The following PHACTR1 variants were observed in gnomAD, a reference collection of about 807,000 sequenced individuals.
PHACTR1 encodes the protein RPEL repeat containing 1.
A neutral mutation model predicts 69.2 loss-of-function variants in PHACTR1; 16 were observed. The ratio of observed to expected loss-of-function variants is 0.23; its 90% confidence interval spans 0.16 to 0.35. The LOEUF (loss-of-function observed/expected upper bound fraction) is 0.35, where lower values mean the gene tolerates loss of function less well. Among genes scored for constraint, PHACTR1 ranks in the 10% least tolerant of loss-of-function variants. PHACTR1 has a pLI of 1.00. For synonymous variants in PHACTR1, 312 were observed against 284.5 expected (o/e 1.10, Z -0.97); for missense variants, 510 against 734.7 (o/e 0.69, Z 3.54).
chr6:13,077,908 C>A (rs1341569754), intron 5 of PHACTR1, among the ~76,000 whole-genome samples: 1 of 152,090 alleles, frequency 6.6e-6, no homozygotes, highest in African/African-American at 2.4e-5. Flanking sequence ...GAGGTTCTGA[C>A]CCTGGGTGAC....
chr6:13,049,337 A>G (rs1474414640), intron 4 of PHACTR1, among the ~76,000 whole-genome samples: 1 of 152,162 alleles, frequency 6.6e-6, no homozygotes, highest in Non-Finnish European at 1.5e-5. Context: ...TTACCCAGTT[A>G]TCTACTCAGT....
At chr6:12,980,141 C>G (rs1795337288) in intron 4 of PHACTR1, among the ~76,000 whole-genome samples, 1 of 152,192 alleles carries the variant, frequency 6.6e-6, no homozygotes, top group South Asian at 2.1e-4. Context: ...GGCATAAGTC[C>G]TCAAGATAAC....
intron 5 of PHACTR1, among the ~76,000 whole-genome samples, chr6:13,124,973 G>A (rs944608592): frequency 1.5e-4 from 23 of 152,294 alleles, no homozygotes; most frequent in African/African-American, 4.3e-4. Flanking sequence ...AACTAAAGAT[G>A]TCCTGGTAGG....
At chr6:13,049,718 T>C (rs1023415891) in intron 4 of PHACTR1, among the ~76,000 whole-genome samples, 1 of 152,226 alleles carries the variant, frequency 6.6e-6, no homozygotes, top group East Asian at 1.9e-4. Flanking sequence ...AGGTTGAGAG[T>C]AATAAGTCAG....
intron 7 of PHACTR1, among the ~76,000 whole-genome samples, chr6:13,188,335 A>G (rs1482390414): frequency 2.6e-5 from 4 of 152,176 alleles, no homozygotes; most frequent in African/African-American, 4.8e-5. Flanking sequence ...AGCTACATTA[A>G]CCCTGTTCTG....
At chr6:13,007,927 T>C (rs953929633) in intron 4 of PHACTR1, among the ~76,000 whole-genome samples, 17 of 152,158 alleles carry the variant, frequency 1.1e-4, no homozygotes, top group African/African-American at 3.9e-4. Flanking sequence ...AGCATAATTA[T>C]CACAAGCCTA....
chr6:12,961,461 A>G (rs1293508090), intron 4 of PHACTR1, among the ~76,000 whole-genome samples: 1 of 152,220 alleles, frequency 6.6e-6, no homozygotes, highest in African/African-American at 2.4e-5. Context: ...TTCTTCACTT[A>G]GAAAATAGTA....
intron 4 of PHACTR1, among the ~76,000 whole-genome samples, chr6:12,879,618 A>G (rs1181656966): frequency 1.3e-5 from 2 of 151,962 alleles, no homozygotes; most frequent in African/African-American, 2.4e-5. Flanking sequence ...GTCAACACTA[A>G]CTCGTAATGA....
chr6:13,059,488 ACAC>A (rs749374579), intron 5 of PHACTR1, among the ~76,000 whole-genome samples: 1 of 144,154 alleles, frequency 6.9e-6, no homozygotes, highest in East Asian at 2.0e-4. Context: ...ACACACACAC[ACAC>A]ACAAAACCCA....
At chr6:13,092,893 A>C (rs1485433406) in intron 5 of PHACTR1, among the ~76,000 whole-genome samples, 1 of 152,264 alleles carries the variant, frequency 6.6e-6, no homozygotes, top group Admixed American at 6.5e-5. Flanking sequence ...AGCCTGAGGG[A>C]TTCTGGCAGG....
chr6:12,989,954 T>C (rs1796627062), intron 4 of PHACTR1, among the ~76,000 whole-genome samples: 2 of 152,168 alleles, frequency 1.3e-5, no homozygotes, highest in Admixed American at 1.3e-4. Context: ...TAAAGGAGTG[T>C]CTTTCTCCTT....
At chr6:12,824,163 G>A (rs1359795451) in intron 4 of PHACTR1, among the ~76,000 whole-genome samples, 9 of 152,282 alleles carry the variant, frequency 5.9e-5, no homozygotes, top group Admixed American at 1.3e-4. Flanking sequence ...GAATCCTATC[G>A]TGGAAGGCAC....
chr6:13,065,270 A>G (rs556868664), intron 5 of PHACTR1, among the ~76,000 whole-genome samples: 1 of 152,276 alleles, frequency 6.6e-6, no homozygotes, highest in Admixed American at 6.5e-5. Flanking sequence ...AGTCGAGGGT[A>G]CAGTAACACC....
chr6:12,902,068 G>A (rs1311575733), intron 4 of PHACTR1, among the ~76,000 whole-genome samples: 1 of 152,050 alleles, frequency 6.6e-6, no homozygotes, highest in Non-Finnish European at 1.5e-5. Context: ...ACATGCACAG[G>A]ACATCCCCTT....
chr6:13,077,110 C>CA (rs374473091), intron 5 of PHACTR1, among the ~76,000 whole-genome samples: 278 of 103,838 alleles, frequency 2.7e-3, no homozygotes, highest in African/African-American at 8.8e-3. Flanking sequence ...AAATAAAGTA[C>CA]AAAAAAAAAC....
At chr6:12,971,831 C>A (rs1165100517) in intron 4 of PHACTR1, among the ~76,000 whole-genome samples, 2 of 152,180 alleles carry the variant, frequency 1.3e-5, no homozygotes, top group Admixed American at 6.5e-5. Context: ...AAGCATTTCA[C>A]AAACCCTGCT....
At chr6:12,864,300 G>T (rs1304715661) in intron 4 of PHACTR1, among the ~76,000 whole-genome samples, 1 of 152,144 alleles carries the variant, frequency 6.6e-6, no homozygotes, top group African/African-American at 2.4e-5. Flanking sequence ...TGTGGGGCCT[G>T]GGAATTTCCA....
At chr6:12,879,733 T>C (rs1782895214) in intron 4 of PHACTR1, among the ~76,000 whole-genome samples, 1 of 152,212 alleles carries the variant, frequency 6.6e-6, no homozygotes, top group Non-Finnish European at 1.5e-5. Context: ...ATTCCCATTT[T>C]TTTCAGATGG....
chr6:13,103,938 G>A (rs1937772), intron 5 of PHACTR1, among the ~76,000 whole-genome samples: 28,115 of 152,104 alleles, frequency 0.18, 2,754 homozygotes, highest in Middle Eastern at 0.24. Flanking sequence ...ACAAAAATTA[G>A]TTGGGCATGG....
Sources: allele counts gnomAD v4.1 joint callset (sites outside exome capture counted in the v4.1 genomes callset), GRCh38; gene constraint gnomAD v4.1.1; transcripts MANE v1.5; gene names NCBI Gene and HGNC (gene_info 2026-07-23, HGNC 2026-07-21).